Variants in ADCY2 observed in about 807,000 individuals in gnomAD.
ADCY2 encodes the protein adenylate cyclase type 2.
In ADCY2, 31 loss-of-function variants were observed where a neutral mutation model predicts 125.2. That is an observed-to-expected ratio of 0.25 (90% confidence interval 0.19 to 0.33). The LOEUF (loss-of-function observed/expected upper bound fraction) is 0.33. Ranked by LOEUF, ADCY2 falls within the 10% of genes least tolerant of loss-of-function variation. ADCY2 has a pLI of 1.00. For missense variants in ADCY2, 904 were observed against 1,418.2 expected, an observed-to-expected ratio of 0.64 and a Z score of 5.82; for synonymous variants, 512 against 548.4, an observed-to-expected ratio of 0.93 and a Z score of 0.93.
At chr5:7,762,185 T>G (rs1037075552) in intron 16 of ADCY2, among the ~76,000 whole-genome samples, 1 of 152,208 alleles carries the variant, frequency 6.6e-6, no homozygotes, top group Admixed American at 6.5e-5. Context: ...ATACCATTTG[T>G]GTTGATACCT....
At chr5:7,457,577 G>C (rs1055036487) in intron 2 of ADCY2, among the ~76,000 whole-genome samples, 1 of 152,174 alleles carries the variant, frequency 6.6e-6, no homozygotes, top group East Asian at 1.9e-4. Flanking sequence ...GTGGTGGGAA[G>C]GACTCCACCT....
intron 2 of ADCY2, among the ~76,000 whole-genome samples, chr5:7,455,689 TATATC>T (rs1403347167): frequency 2.7e-5 from 4 of 147,252 alleles, no homozygotes; most frequent in African/African-American, 7.5e-5. Flanking sequence ...TACATTTTGT[TATATC>T]AATTATTAAC....
chr5:7,589,680 A>G (rs1203604908), intron 3 of ADCY2, among the ~76,000 whole-genome samples: 1 of 152,058 alleles, frequency 6.6e-6, no homozygotes, highest in African/African-American at 2.4e-5. Context: ...TGTTTTCCTG[A>G]GTGTTCCTCC....
At chr5:7,686,244 A>G (rs547250983) in intron 4 of ADCY2, among the ~76,000 whole-genome samples, 102 of 152,332 alleles carry the variant, frequency 6.7e-4, no homozygotes, top group African/African-American at 2.4e-3. Flanking sequence ...CTAAAAAAAG[A>G]CATAAAATGT....
At chr5:7,496,685 ATTAGCTCC>A (rs1224226178) in intron 2 of ADCY2, among the ~76,000 whole-genome samples, 1 of 152,162 alleles carries the variant, frequency 6.6e-6, no homozygotes, top group African/African-American at 2.4e-5. Flanking sequence ...CATTTTTAGT[ATTAGCTCC>A]TGATAAACGA....
intron 2 of ADCY2, among the ~76,000 whole-genome samples, chr5:7,471,236 T>C (rs925093299): frequency 6.6e-6 from 1 of 151,992 alleles, no homozygotes; most frequent in Non-Finnish European, 1.5e-5. Context: ...TTGGTGTGTC[T>C]AACTATTTTA....
rs145329957 is a variant in ADCY2 at position 7,602,901 on chromosome 5, A to G, written c.571-23266A>G. Among the ~76,000 whole-genome samples the G allele has an allele frequency of 2.6e-3, 393 of 152,260 alleles. 3 individuals carry two copies. The highest frequency in any genetic ancestry group is 9.0e-3 in the African/African-American group (374 of 41,562). Reference sequence around the variant, plus strand: ...AACCAGACTACAGAGGATTAAACAAATGGGAATTTATTTGCTTCACATAAA... The same window carrying G: ...AACCAGACTACAGAGGATTAAACAAGTGGGAATTTATTTGCTTCACATAAA... On this transcript the variant is annotated intron_variant, in intron 3 of 24. Transcript: ENST00000338316.
intron 3 of ADCY2, among the ~76,000 whole-genome samples, chr5:7,579,225 T>C (rs1327029846): frequency 1.3e-5 from 2 of 152,164 alleles, no homozygotes; most frequent in African/African-American, 4.8e-5. Context: ...GAGTCAATAC[T>C]TAAAGGAGAC....
At chr5:7,664,130 G>A (rs781166224) in intron 4 of ADCY2, among the ~76,000 whole-genome samples, 5 of 152,138 alleles carry the variant, frequency 3.3e-5, no homozygotes, top group Admixed American at 1.3e-4. Flanking sequence ...AGAAACCATC[G>A]AAATGGAGGT....
intron 17 of ADCY2, among the ~76,000 whole-genome samples, chr5:7,767,988 G>GC (rs1238249831): frequency 6.6e-6 from 1 of 151,782 alleles, no homozygotes; most frequent in Non-Finnish European, 1.5e-5. Context: ...CCAAGATCGT[G>GC]CCACTGCACT....
chr5:7,753,314 C>T (rs144658650), intron 15 of ADCY2, among the ~76,000 whole-genome samples: 167 of 152,200 alleles, frequency 1.1e-3, no homozygotes, highest in African/African-American at 3.7e-3. Context: ...AGAAGGTACA[C>T]GGTGAGCTCA....
At chr5:7,512,575 G>A (rs1397691683) in intron 2 of ADCY2, among the ~76,000 whole-genome samples, 1 of 152,174 alleles carries the variant, frequency 6.6e-6, no homozygotes, top group Non-Finnish European at 1.5e-5. Context: ...ATTCATTGGA[G>A]TTGGGGCATA....
chr5:7,483,901 GTAT>G (rs1742829450), intron 2 of ADCY2, among the ~76,000 whole-genome samples: 1 of 152,046 alleles, frequency 6.6e-6, no homozygotes, highest in African/African-American at 2.4e-5. Flanking sequence ...ATAATTTCCA[GTAT>G]TATTTGCTTG....
chr5:7,774,059 G>T (rs1743638575), intron 18 of ADCY2, among the ~76,000 whole-genome samples: 1 of 152,040 alleles, frequency 6.6e-6, no homozygotes, highest in Non-Finnish European at 1.5e-5. Flanking sequence ...TTAAATATTT[G>T]CATTGATTTA....
intron 22 of ADCY2, among the ~76,000 whole-genome samples, chr5:7,812,325 T>G (rs991699719): frequency 6.6e-6 from 1 of 152,070 alleles, no homozygotes; most frequent in Admixed American, 6.6e-5. Context: ...AACAGGAAAC[T>G]CAAAACGGAA....
chr5:7,754,066 A>T (rs1475269036), intron 15 of ADCY2, among the ~76,000 whole-genome samples: 2 of 152,160 alleles, frequency 1.3e-5, no homozygotes, highest in Non-Finnish European at 2.9e-5. Context: ...TGTTGTGCCA[A>T]ACCCATGTCT....
intron 3 of ADCY2, among the ~76,000 whole-genome samples, chr5:7,566,559 A>T (rs1403534987): frequency 6.6e-6 from 1 of 152,080 alleles, no homozygotes; most frequent in Non-Finnish European, 1.5e-5. Flanking sequence ...GACTCATAGG[A>T]CACTCCCAAA....
At chr5:7,728,886 C>T (rs1383063646) in intron 14 of ADCY2, among the ~76,000 whole-genome samples, 1 of 152,104 alleles carries the variant, frequency 6.6e-6, no homozygotes, top group Non-Finnish European at 1.5e-5. Flanking sequence ...AAAAGACTTC[C>T]AGGAACCAGG....
At chr5:7,741,083 A>G (rs1742391744) in intron 14 of ADCY2, among the ~76,000 whole-genome samples, 2 of 152,222 alleles carry the variant, frequency 1.3e-5, no homozygotes, top group Middle Eastern at 3.4e-3. Context: ...AATTACAAAT[A>G]TGGAGAGTTT....
Sources: allele counts gnomAD v4.1 joint callset (sites outside exome capture counted in the v4.1 genomes callset), GRCh38; gene constraint gnomAD v4.1.1; transcripts MANE v1.5; gene names NCBI Gene and HGNC (gene_info 2026-07-23, HGNC 2026-07-21).